FAM81A: variants seen among roughly 807,000 people sequenced by gnomAD.
FAM81A encodes family with sequence similarity 81 member A.
In FAM81A, 19 loss-of-function variants were observed where a neutral mutation model predicts 46.7. The ratio of observed to expected loss-of-function variants is 0.41; its 90% CI spans 0.28 to 0.60. FAM81A has a LOEUF of 0.60. FAM81A is among the 20% of genes least tolerant of loss of function. FAM81A has a pLI of 0.34. For synonymous variants in FAM81A, 183 were observed against 152.9 expected, an observed-to-expected ratio of 1.20 and a Z score of -1.45; for missense variants, 377 against 453.5, an observed-to-expected ratio of 0.83 and a Z score of 1.53.
chr15:59,465,950 G>A (rs2081607991), intron 3 of FAM81A, among the ~76,000 whole-genome samples: 1 of 152,248 alleles, frequency 6.6e-6, no homozygotes, highest in East Asian at 1.9e-4. Flanking sequence ...GCGGTGTTTG[G>A]TTTTCTGTCC....
chr15:59,438,215 A>G lies in FAM81A; in HGVS notation c.-145A>G, dbSNP rs1215939187. On this transcript the variant is annotated 5_prime_UTR_variant, in exon 1 of 9. Transcript: ENST00000288228. Reference sequence around the variant, plus strand: ...CCGGGCGCCCTGCTCAGCCAGCGCCAGCGGCCGCCGCACCCAGCCGCGCCG... The same window carrying G: ...CCGGGCGCCCTGCTCAGCCAGCGCCGGCGGCCGCCGCACCCAGCCGCGCCG... 2.1e-4 allele frequency: 31 copies of G among 147,320 alleles called. No homozygotes were observed. The East Asian group carries it at 6.1e-3, about 29-fold the overall frequency. 9.1% of individuals were successfully genotyped at this position (147,320 alleles called of 1,614,324 possible).
intron 3 of FAM81A, among the ~76,000 whole-genome samples, chr15:59,486,483 G>A (rs960423979): frequency 1.3e-5 from 2 of 151,904 alleles, no homozygotes; most frequent in Non-Finnish European, 2.9e-5. Context: ...TATCAAAAGG[G>A]ATAACAGAGA....
intron 1 of FAM81A, among the ~76,000 whole-genome samples, chr15:59,399,113 A>C (rs2081059793): frequency 6.6e-6 from 1 of 151,974 alleles, no homozygotes; most frequent in Non-Finnish European, 1.5e-5. Context: ...AGGTTATGGT[A>C]AGACGAGATC....
At chr15:59,407,060 A>T (rs2081098284) in intron 2 of FAM81A, 1 of 163,110 alleles carries the variant, frequency 6.1e-6, no homozygotes, top group African/African-American at 2.4e-5. Context: ...CCCAGTGATG[A>T]TGGATCTCAT....
chr15:59,445,948 C>T (rs1208466846), intron 1 of FAM81A, among the ~76,000 whole-genome samples: 1 of 152,208 alleles, frequency 6.6e-6, no homozygotes, highest in Non-Finnish European at 1.5e-5. Flanking sequence ...TGCCCGGGCC[C>T]ACTGCAGGGT....
At chr15:59,413,984 C>T (rs1432475247) in intron 2 of FAM81A, among the ~76,000 whole-genome samples, 1 of 152,096 alleles carries the variant, frequency 6.6e-6, no homozygotes, top group African/African-American at 2.4e-5. Flanking sequence ...GACAGAATCT[C>T]ACTCTGTCAC....
chr15:59,418,189 A>G (rs1341594398), intron 2 of FAM81A, among the ~76,000 whole-genome samples: 1 of 152,174 alleles, frequency 6.6e-6, no homozygotes, highest in Non-Finnish European at 1.5e-5. Flanking sequence ...ATACGGTAGC[A>G]TTCTCTTCAC....
At chr15:59,412,045 G>T (rs1244041188) in intron 2 of FAM81A, among the ~76,000 whole-genome samples, 1 of 152,018 alleles carries the variant, frequency 6.6e-6, no homozygotes, top group African/African-American at 2.4e-5. Flanking sequence ...GAGAAAGGGG[G>T]AGAATGGGAT....
At chr15:59,430,254 CTTTTTTTTT>C (rs5812977) in intron 2 of FAM81A, among the ~76,000 whole-genome samples, 24 of 87,460 alleles carry the variant, frequency 2.7e-4, no homozygotes, top group Admixed American at 1.0e-3. Flanking sequence ...ACCTATTTCC[CTTTTTTTTT>C]TTTTTTTTTT....
At chr15:59,493,063 C>G (rs1027782234) in intron 4 of FAM81A, among the ~76,000 whole-genome samples, 1 of 152,216 alleles carries the variant, frequency 6.6e-6, no homozygotes, top group African/African-American at 2.4e-5. Flanking sequence ...CTCTTCTGCC[C>G]TCTGCTGGGC....
At chr15:59,502,422 T>C (rs1328740757) in intron 4 of FAM81A, among the ~76,000 whole-genome samples, 1 of 151,600 alleles carries the variant, frequency 6.6e-6, no homozygotes, top group African/African-American at 2.4e-5. Context: ...TGAGTGAGAA[T>C]ATGCGGTGTT....
intron 2 of FAM81A, among the ~76,000 whole-genome samples, chr15:59,426,760 G>A (rs572524877): frequency 2.0e-5 from 3 of 152,122 alleles, no homozygotes; most frequent in Non-Finnish European, 2.9e-5. Context: ...TCTCCAACAC[G>A]CCTCGACATA....
At chr15:59,480,740 C>G (rs1253263927) in intron 3 of FAM81A, among the ~76,000 whole-genome samples, 2 of 152,078 alleles carry the variant, frequency 1.3e-5, no homozygotes, top group African/African-American at 2.4e-5. Context: ...AATGGAGAAG[C>G]AATGCCATAT....
intron 2 of FAM81A, among the ~76,000 whole-genome samples, chr15:59,405,979 C>T (rs2081092583): frequency 6.6e-6 from 1 of 152,206 alleles, no homozygotes; most frequent in Non-Finnish European, 1.5e-5. Context: ...CCACTCGCTC[C>T]TTCTGCCTGA....
chr15:59,521,200 A>G, intron 8 of FAM81A, 54 bp from the exon 9 acceptor site: 2 of 1,577,468 alleles, frequency 1.3e-6, no homozygotes, highest in Non-Finnish European at 1.7e-6. Context: ...ATAGAATTTG[A>G]TACAGCATTT....
rs2082050288 is a variant in FAM81A, at chr15:59,497,844, A to C, written c.413+5455A>C. 2.6e-5 allele frequency among the ~76,000 whole-genome samples: 4 copies of C among 152,306 alleles called. No homozygotes were observed. In the South Asian group the frequency reaches 8.3e-4, roughly 32 times the overall value. ...AGACCCTGTTTCAAAAAAAATAAAC[A>C]AATAAGCCTTTATTTAAAAAAAATT... On this transcript the variant is annotated intron_variant, in intron 4 of 8. Transcript: ENST00000288228.
chr15:59,460,496 A>G lies in FAM81A; in HGVS notation c.294+290A>G, dbSNP rs1179833426. The G allele has an allele frequency of 2.1e-6, 1 of 471,016 alleles. No homozygotes were observed. Among genetic ancestry groups the G allele is most frequent in the African/African-American group, 2.0e-5 (1 of 50,946 alleles). 29.2% of individuals were successfully genotyped at this position (471,016 alleles called of 1,614,324 possible). ...TTGGCTCTTAATGAAGAGAGAGAAG[A>G]ACTAGTCGAATAGTTTCACTCTATA... On this transcript the variant is annotated intron_variant, in intron 3 of 8. Transcript: ENST00000288228. The surrounding 1 kb of genome is among the most constrained non-coding windows in gnomAD (Gnocchi z 4.4).
intron 1 of FAM81A, among the ~76,000 whole-genome samples, chr15:59,399,238 A>G (rs910505377): frequency 1.3e-5 from 2 of 152,178 alleles, no homozygotes; most frequent in Admixed American, 6.6e-5. Context: ...AGGAAGGGGA[A>G]GAAAGGCATG....
intron 4 of FAM81A, among the ~76,000 whole-genome samples, chr15:59,496,022 T>C (rs1394400274): frequency 1.3e-5 from 2 of 152,236 alleles, no homozygotes; most frequent in Admixed American, 1.3e-4. Context: ...TTAATCTTGC[T>C]TATATCTAAC....
Sources: allele counts gnomAD v4.1 joint callset (sites outside exome capture counted in the v4.1 genomes callset), GRCh38; gene constraint gnomAD v4.1.1; non-coding constraint Gnocchi (gnomAD v3.1); transcripts MANE v1.5; gene names NCBI Gene and HGNC (gene_info 2026-07-23, HGNC 2026-07-21).